Variants in CADPS2 observed in about 807,000 individuals in gnomAD.
The protein encoded by CADPS2 is calcium dependent secretion activator 2, also known as calcium-dependent secretion activator 2.
A neutral mutation model predicts 172.5 loss-of-function variants in CADPS2; 93 were observed. That is an observed-to-expected ratio of 0.54 (90% CI 0.46 to 0.64). The LOEUF is 0.64. Among genes scored for constraint, CADPS2 ranks in the 30% least tolerant of loss-of-function variants. The pLI is 0.00. For missense variants in CADPS2, 1,420 were observed against 1,565.9 expected, an observed-to-expected ratio of 0.91 and a Z score of 1.57; for synonymous variants, 546 against 555.2, an observed-to-expected ratio of 0.98 and a Z score of 0.23.
At chr7:122,604,988 G>T (rs973848264) in intron 6 of CADPS2, among the ~76,000 whole-genome samples, 3 of 152,056 alleles carry the variant, frequency 2.0e-5, no homozygotes, top group Non-Finnish European at 4.4e-5. Context: ...AGGGTATTTG[G>T]TATAGCCAAT....
In CADPS2 at chr7:122,807,783, G is replaced by A. The variant is rs546404139; in HGVS notation, c.340-70715C>T. On this transcript the variant is annotated intron_variant, in intron 1 of 29. Transcript: ENST00000449022. Reference sequence around the variant, plus strand: ...TACAATCTTGGCATGGGGGGCATTGGGGGAAGGTGGTCTGTTTCCCAAGTT... The same window carrying A: ...TACAATCTTGGCATGGGGGGCATTGAGGGAAGGTGGTCTGTTTCCCAAGTT... Among the ~76,000 whole-genome samples, 5 of 152,188 alleles carry A rather than the reference G, an allele frequency of 3.3e-5. No homozygotes were observed. In the East Asian group the frequency reaches 5.8e-4, roughly 18 times the overall value.
intron 14 of CADPS2, among the ~76,000 whole-genome samples, chr7:122,454,971 A>T (rs1236408769): frequency 3.3e-5 from 5 of 151,612 alleles, no homozygotes; most frequent in Admixed American, 3.3e-4. Flanking sequence ...GCCACACACT[A>T]CTCCGAGCCT....
intron 22 of CADPS2, among the ~76,000 whole-genome samples, chr7:122,392,526 A>G (rs1044565096): frequency 6.6e-6 from 1 of 152,162 alleles, no homozygotes; most frequent in Admixed American, 6.5e-5. Context: ...ATCAATTTAA[A>G]AGCCCATTCC....
At chr7:122,329,552 A>G (rs1411891985) in intron 28 of CADPS2, among the ~76,000 whole-genome samples, 1 of 152,212 alleles carries the variant, frequency 6.6e-6, no homozygotes, top group Non-Finnish European at 1.5e-5. Flanking sequence ...ATGCAAGTTA[A>G]AGAGAAGTAG....
intron 1 of CADPS2, among the ~76,000 whole-genome samples, chr7:122,796,391 G>T (rs1048212958): frequency 2.0e-4 from 31 of 151,928 alleles, no homozygotes. Context: ...AATTCATATG[G>T]AGCCCAAATA....
chr7:122,602,246 T>C (rs548141342), intron 6 of CADPS2, among the ~76,000 whole-genome samples: 1 of 152,006 alleles, frequency 6.6e-6, no homozygotes, highest in South Asian at 2.1e-4. Context: ...CATTTGAATG[T>C]GTGAGATGGG....
intron 8 of CADPS2, among the ~76,000 whole-genome samples, chr7:122,519,909 T>C (rs1439095804): frequency 6.6e-6 from 1 of 152,026 alleles, no homozygotes; most frequent in Non-Finnish European, 1.5e-5. Context: ...AAATAGTTAC[T>C]ACCAACAAGG....
At chr7:122,469,411 A>ATGTCTCAAT (rs113311271) in intron 14 of CADPS2, among the ~76,000 whole-genome samples, 7 of 152,272 alleles carry the variant, frequency 4.6e-5, no homozygotes, top group African/African-American at 1.7e-4. Context: ...ATTTTTTGAT[A>ATGTCTCAAT]TCCCCTAGTC....
In CADPS2 at chr7:122,451,367, T is replaced by A. The variant is rs534095045; in HGVS notation, c.2288+7A>T. 1 of 1,364,768 alleles carries A rather than the reference T, an allele frequency of 7.3e-7. No individual in the cohort carries two copies. The highest frequency in any genetic ancestry group is 2.4e-5 in the East Asian group (1 of 41,352). 84.5% of individuals were successfully genotyped at this position (1,364,768 alleles called of 1,614,324 possible). A position where few individuals can be genotyped will look rare whatever the true frequency, so the allele number is the denominator to read the frequency against. On this transcript the variant is annotated splice_region_variant and intron_variant, in intron 15 of 29. Coordinates refer to ENST00000449022, the MANE Select transcript of CADPS2 (RefSeq NM_017954.11). ...AGAAATATTTATATTAATAAAAAAA[T>A]ATATACCTGAAATGGCTTATCTGAT...
chr7:122,846,007 A>C (rs1811894688), intron 1 of CADPS2, among the ~76,000 whole-genome samples: 1 of 152,236 alleles, frequency 6.6e-6, no homozygotes, highest in South Asian at 2.1e-4. Flanking sequence ...TATGTATTCT[A>C]AAAATTAAGG....
At chr7:122,390,111 A>G (rs1324827340) in intron 22 of CADPS2, among the ~76,000 whole-genome samples, 2 of 151,948 alleles carry the variant, frequency 1.3e-5, no homozygotes, top group African/African-American at 4.8e-5. Context: ...TGTCTAGCCA[A>G]AATGCCCTCA....
intron 17 of CADPS2, among the ~76,000 whole-genome samples, chr7:122,417,248 T>C (rs140623603): frequency 8.2e-4 from 125 of 152,296 alleles, no homozygotes; most frequent in African/African-American, 2.9e-3. Context: ...TCATTAAATA[T>C]TCATTATATA....
At chr7:122,475,359 C>A (rs1390351933) in intron 12 of CADPS2, among the ~76,000 whole-genome samples, 1 of 152,126 alleles carries the variant, frequency 6.6e-6, no homozygotes, top group African/African-American at 2.4e-5. Context: ...AATCAGTTAT[C>A]AAGATAAAAG....
At chr7:122,498,311 A>C (rs985588436) in intron 9 of CADPS2, among the ~76,000 whole-genome samples, 32 of 152,120 alleles carry the variant, frequency 2.1e-4, no homozygotes, top group Non-Finnish European at 3.8e-4. Context: ...TTGCACTTTC[A>C]TCATGAAATT....
At chr7:122,794,707 T>C (rs904972670) in intron 1 of CADPS2, among the ~76,000 whole-genome samples, 4 of 147,734 alleles carry the variant, frequency 2.7e-5, no homozygotes, top group African/African-American at 1.0e-4. Context: ...ATCAATCACA[T>C]AATCAGAAGT....
intron 3 of CADPS2, among the ~76,000 whole-genome samples, chr7:122,630,544 T>C (rs1251086672): frequency 6.6e-6 from 1 of 152,090 alleles, no homozygotes; most frequent in African/African-American, 2.4e-5. Flanking sequence ...AAGTTACTCT[T>C]CACAAGCCAC....
chr7:122,348,928 T>C (rs919336729), intron 27 of CADPS2, among the ~76,000 whole-genome samples: 11 of 152,194 alleles, frequency 7.2e-5, no homozygotes, highest in Middle Eastern at 3.2e-3. Context: ...ACATTATCGC[T>C]GGTTCAATGC....
chr7:122,879,170 G>C (rs911800659), intron 1 of CADPS2, among the ~76,000 whole-genome samples: 2 of 150,936 alleles, frequency 1.3e-5, no homozygotes, highest in African/African-American at 2.4e-5. Flanking sequence ...GCGGGAGGCA[G>C]AGGTTGCAGT....
At chr7:122,345,216 T>A (rs2037386712) in intron 28 of CADPS2, among the ~76,000 whole-genome samples, 2 of 152,140 alleles carry the variant, frequency 1.3e-5, no homozygotes, top group African/African-American at 2.4e-5. Flanking sequence ...ACCTCTGCCT[T>A]CCCGGCTCAA....
Sources: allele counts gnomAD v4.1 joint callset (sites outside exome capture counted in the v4.1 genomes callset), GRCh38; gene constraint gnomAD v4.1.1; transcripts MANE v1.5; gene names NCBI Gene and HGNC (gene_info 2026-07-23, HGNC 2026-07-21).